Variants in DNM3 observed in about 807,000 individuals in gnomAD.
DNM3 encodes dynamin-3.
DNM3 carries 47 observed loss-of-function variants against 101.6 expected under a neutral mutation model. The ratio of observed to expected loss-of-function variants is 0.46; its 90% CI spans 0.37 to 0.59. DNM3 has a LOEUF of 0.59. Ranked by LOEUF, DNM3 falls within the 20% of genes least tolerant of loss-of-function variation. The pLI, the probability that DNM3 is intolerant of heterozygous loss-of-function variation, is 0.00. For missense variants in DNM3, 849 were observed against 1,085.7 expected, an observed-to-expected ratio of 0.78 and a Z score of 3.06; for synonymous variants, 385 against 387.9, an observed-to-expected ratio of 0.99 and a Z score of 0.09.
chr1:172,286,999 G>A (rs1335976809), intron 15 of DNM3, among the ~76,000 whole-genome samples: 1 of 152,146 alleles, frequency 6.6e-6, no homozygotes, highest in Non-Finnish European at 1.5e-5. Flanking sequence ...GAATAGGAGA[G>A]AAATGCCTGT....
At chr1:172,141,848 A>G (rs2057600621) in intron 14 of DNM3, among the ~76,000 whole-genome samples, 1 of 152,038 alleles carries the variant, frequency 6.6e-6, no homozygotes. Flanking sequence ...TCTTTCTTTG[A>G]TTTTGAGATC....
At chr1:172,073,153 C>T (rs1217411159) in intron 11 of DNM3, among the ~76,000 whole-genome samples, 1 of 151,804 alleles carries the variant, frequency 6.6e-6, no homozygotes, top group Non-Finnish European at 1.5e-5. Context: ...TATAGATATA[C>T]ACACACATAC....
At chr1:172,288,914 A>G (rs984556684) in intron 15 of DNM3, among the ~76,000 whole-genome samples, 5 of 152,180 alleles carry the variant, frequency 3.3e-5, no homozygotes, top group Admixed American at 1.3e-4. Context: ...TCTCATAGAA[A>G]GTTATCTTAG....
At chr1:172,063,807 G>A (rs2051441458) in intron 10 of DNM3, among the ~76,000 whole-genome samples, 1 of 150,026 alleles carries the variant, frequency 6.7e-6, no homozygotes, top group Non-Finnish European at 1.5e-5. Context: ...AATATTCAAT[G>A]CAATTTGAAC....
intron 14 of DNM3, among the ~76,000 whole-genome samples, chr1:172,143,292 C>A (rs538376817): frequency 6.6e-6 from 1 of 152,238 alleles, no homozygotes; most frequent in African/African-American, 2.4e-5. Context: ...TTATTTTTCA[C>A]AAACCCTGTA....
At chr1:172,050,429 A>G (rs1445796662) in intron 10 of DNM3, among the ~76,000 whole-genome samples, 1 of 151,576 alleles carries the variant, frequency 6.6e-6, no homozygotes, top group Non-Finnish European at 1.5e-5. Flanking sequence ...TCCCAAACCC[A>G]TTTAGCCAGT....
At chr1:172,061,008 A>T (rs2051137491) in intron 10 of DNM3, among the ~76,000 whole-genome samples, 2 of 116,502 alleles carry the variant, frequency 1.7e-5, no homozygotes, top group Admixed American at 9.1e-5. Context: ...CAAGAAAAAA[A>T]CAAACAACCC....
At chr1:171,956,154 T>C (rs2042843294) in intron 2 of DNM3, among the ~76,000 whole-genome samples, 1 of 152,072 alleles carries the variant, frequency 6.6e-6, no homozygotes, top group Admixed American at 6.5e-5. Context: ...AATCATGCCT[T>C]CCCAACAGTC....
intron 2 of DNM3, among the ~76,000 whole-genome samples, chr1:171,931,083 A>G (rs1320230802): frequency 6.6e-6 from 1 of 152,224 alleles, no homozygotes; most frequent in Non-Finnish European, 1.5e-5. Context: ...TATACCACTT[A>G]GGAATCAATT....
chr1:172,359,186 G>A (rs1230058254), intron 17 of DNM3, among the ~76,000 whole-genome samples: 1 of 149,818 alleles, frequency 6.7e-6, no homozygotes, highest in Non-Finnish European at 1.5e-5. Context: ...AAGTAGTGCA[G>A]TTTCCTTTCT....
chr1:172,234,274 A>G (rs1307159993), intron 14 of DNM3, among the ~76,000 whole-genome samples: 1 of 152,106 alleles, frequency 6.6e-6, no homozygotes, highest in Non-Finnish European at 1.5e-5. Flanking sequence ...TCACGAGTGA[A>G]CTCCCATTCA....
At chr1:172,033,340 T>C in intron 6 of DNM3, 75 bp downstream of exon 6, 1 of 1,431,184 alleles carries the variant, frequency 7.0e-7, no homozygotes. Context: ...ATTTATTATT[T>C]TTAAGTTTAT....
chr1:172,215,092 A>G (rs1387463146), intron 14 of DNM3, among the ~76,000 whole-genome samples: 1 of 152,140 alleles, frequency 6.6e-6, no homozygotes, highest in African/African-American at 2.4e-5. Context: ...AAACCTAAAG[A>G]CGAGTGTTCG....
chr1:172,009,162 T>C (rs1025704839), intron 4 of DNM3, among the ~76,000 whole-genome samples: 28 of 140,380 alleles, frequency 2.0e-4, no homozygotes, highest in Non-Finnish European at 3.0e-4. Context: ...TGATATATAA[T>C]ATTATATAAT....
At chr1:172,136,193 G>A (rs2057218508) in intron 14 of DNM3, among the ~76,000 whole-genome samples, 1 of 152,092 alleles carries the variant, frequency 6.6e-6, no homozygotes, top group Admixed American at 6.6e-5. Flanking sequence ...ACTTGATAAG[G>A]AGATTATATA....
At chr1:172,002,680 A>G (rs1018221915) in intron 4 of DNM3, among the ~76,000 whole-genome samples, 1 of 152,116 alleles carries the variant, frequency 6.6e-6, no homozygotes, top group African/African-American at 2.4e-5. Context: ...ATGAAAGTAT[A>G]TATTCTTTGA....
chr1:172,215,336 T>C (rs1248408120), intron 14 of DNM3, among the ~76,000 whole-genome samples: 2 of 152,114 alleles, frequency 1.3e-5, no homozygotes, highest in Non-Finnish European at 2.9e-5. Flanking sequence ...AAATTCTTGG[T>C]TATAAGTAGT....
chr1:172,079,742 T>C (rs1312206642), intron 11 of DNM3, among the ~76,000 whole-genome samples: 1 of 152,212 alleles, frequency 6.6e-6, no homozygotes, highest in East Asian at 1.9e-4. Context: ...ACTGTTTTTT[T>C]CCTCATCTTT....
chr1:172,336,734 G>A (rs75093891), intron 17 of DNM3, among the ~76,000 whole-genome samples: 134 of 148,980 alleles, frequency 9.0e-4, no homozygotes, highest in African/African-American at 3.2e-3. Context: ...CTCTCAGATA[G>A]TCTTCTTTAA....
Sources: allele counts gnomAD v4.1 joint callset (sites outside exome capture counted in the v4.1 genomes callset), GRCh38; gene constraint gnomAD v4.1.1; transcripts MANE v1.5; gene names NCBI Gene and HGNC (gene_info 2026-07-23, HGNC 2026-07-21).